RALGDS: variants seen among roughly 807,000 people sequenced by gnomAD.
RALGDS encodes the protein ral guanine nucleotide dissociation stimulator.
In RALGDS, 44 loss-of-function variants were observed where a neutral mutation model predicts 99.8. The observed-to-expected ratio is 0.44, with a 90% CI of 0.35 to 0.57. The LOEUF (loss-of-function observed/expected upper bound fraction) is 0.57, where lower values mean the gene tolerates loss of function less well. Ranked by LOEUF, RALGDS falls within the 20% of genes least tolerant of loss-of-function variation. The pLI is 0.01. For missense variants in RALGDS, 1,022 were observed against 1,203.1 expected (o/e 0.85, Z 2.23); for synonymous variants, 529 against 505.0 (o/e 1.05, Z -0.64).
chr9:133,105,078 G>A (rs1414277273), intron 9 of RALGDS, among the ~76,000 whole-genome samples: 1 of 152,194 alleles, frequency 6.6e-6, no homozygotes, highest in Non-Finnish European at 1.5e-5. Context: ...TCACTGATCA[G>A]GGTACCGTCC....
chr9:133,119,573 G>C (rs7019098), intron 1 of RALGDS, among the ~76,000 whole-genome samples: 4 of 151,912 alleles, frequency 2.6e-5, no homozygotes, highest in African/African-American at 9.7e-5. Context: ...GAACCTGCAC[G>C]GCCACTGTGA....
chr9:133,100,082 C>G, intron 17 of RALGDS, 186 bp downstream of exon 17: 1 of 689,222 alleles, frequency 1.5e-6, no homozygotes, highest in Non-Finnish European at 2.6e-6. Flanking sequence ...GAAGGGCACA[C>G]ACTGGGGAGG....
intron 17 of RALGDS, 76 bp downstream of exon 17, chr9:133,100,192 A>G (rs886488166): frequency 1.5e-6 from 2 of 1,374,488 alleles, no homozygotes; most frequent in Admixed American, 1.7e-5. Flanking sequence ...TTCTGGGGCC[A>G]AAGGCTTCCA....
intron 17 of RALGDS, 108 bp downstream of exon 17, chr9:133,100,160 A>T (rs1026815339): frequency 1.1e-5 from 11 of 1,011,080 alleles, no homozygotes; most frequent in Non-Finnish European, 1.6e-5. Context: ...CACAGTGTCT[A>T]CCCACACTCT....
At chr9:133,106,439 C>G (rs142186083) in intron 8 of RALGDS, among the ~76,000 whole-genome samples, 1 of 152,120 alleles carries the variant, frequency 6.6e-6, no homozygotes, top group Non-Finnish European at 1.5e-5. Context: ...GGCTACAACA[C>G]GAATACCTGA....
rs1831158049 is a variant in RALGDS, at chr9:133,108,064, C to G, written c.1121G>C (p.Gly374Ala). 6.2e-7 allele frequency: 1 copy of G among 1,613,534 alleles called. No individual in the cohort carries two copies. The highest frequency in any genetic ancestry group is 1.1e-5 in the South Asian group (1 of 91,088). ...SWPSPVVAEN[G>A]LSEEKPHLLV... ...GAGGTGAGGCTTCTCCTCACTCAGC[C>G]CGTTCTCTGCAACCACAGGTGAAGG... The change falls in exon 6 of 18, where the codon GGG becomes GCG. Residue 374 changes from glycine to alanine, a missense_variant. By Grantham distance (60) the Gly-to-Ala change is moderately conservative. This residue lies in a region of RALGDS where 825 missense variants were observed against 994.5 expected (regional missense o/e 0.83). Coordinates refer to ENST00000372050, the MANE Select transcript of RALGDS (RefSeq NM_006266.4).
At chr9:133,113,409 G>A (rs967813638) in intron 1 of RALGDS, among the ~76,000 whole-genome samples, 5 of 152,276 alleles carry the variant, frequency 3.3e-5, no homozygotes, top group African/African-American at 4.8e-5. Flanking sequence ...CACTTCCTCC[G>A]ACCTGAGGTC....
In RALGDS at chr9:133,107,161, G is replaced by A; in HGVS notation, c.1337C>T (p.Thr446Ile). 2.5e-6 allele frequency: 4 copies of A among 1,613,780 alleles called. No homozygotes were observed. Among genetic ancestry groups the A allele is most frequent in the Non-Finnish European group, 3.4e-6 (4 of 1,180,044 alleles). Residue 446 changes from threonine (T) to isoleucine (I), a missense_variant, in exon 7 of 18, where the codon ACC (threonine) becomes ATC (isoleucine). Physicochemically the swap from Thr to Ile is moderately conservative, Grantham distance 89 (BLOSUM62 -1). Around this residue, in one of 3 missense-constraint regions of RALGDS, gnomAD observed 825 missense variants for 994.5 expected, o/e 0.83. Coordinates refer to ENST00000372050, the MANE Select transcript of RALGDS (RefSeq NM_006266.4). Reference sequence around the variant, plus strand: ...CGTGCTTCGGTTCCCGAGGCAGGTGGTGATGACACAGTTGGCCACACTGTT... The same window carrying A: ...CGTGCTTCGGTTCCCGAGGCAGGTGATGATGACACAGTTGGCCACACTGTT... ...QFNSVANCVI[T>I]TCLGNRSTKA...
chr9:133,100,600 G>A lies in RALGDS; in HGVS notation c.2455-218C>T. On this transcript the variant is annotated intron_variant, in intron 16 of 17. Coordinates refer to ENST00000372050, the MANE Select transcript of RALGDS (RefSeq NM_006266.4). Reference sequence around the variant, plus strand: ...TCCCCATGTGAGGCCTCCATGGAATGAGGAGGGGTCTGTCCCAGCAGTGCC... The same window carrying A: ...TCCCCATGTGAGGCCTCCATGGAATAAGGAGGGGTCTGTCCCAGCAGTGCC... 7.7e-6 allele frequency: 11 copies of A among 1,431,226 alleles called. No individual in the cohort carries two copies. In the South Asian group the frequency reaches 1.4e-4, roughly 19 times the overall value. 88.7% of individuals were successfully genotyped at this position (1,431,226 alleles called of 1,614,324 possible). A position where few individuals can be genotyped will look rare whatever the true frequency, so the allele number is the denominator to read the frequency against.
Position 133,115,587 on chromosome 9 carries a change from C to T in RALGDS, c.184-3435G>A, listed in dbSNP as rs536285423. Among the ~76,000 whole-genome samples, 335 of 152,324 alleles carry T rather than the reference C, an allele frequency of 2.2e-3. 1 individual carries two copies. The highest frequency in any genetic ancestry group is 7.3e-3 in the African/African-American group (304 of 41,560). On this transcript the variant is annotated intron_variant, in intron 1 of 17. Coordinates refer to ENST00000372050, the MANE Select transcript of RALGDS (RefSeq NM_006266.4). Reference sequence around the variant, plus strand: ...CTGGCTCTGCCCAGCCCCTGGCCCTCGGCCTTGGTGTGTCATCTGGGGAGG... The same window carrying T: ...CTGGCTCTGCCCAGCCCCTGGCCCTTGGCCTTGGTGTGTCATCTGGGGAGG...
In RALGDS at chr9:133,144,065, G is replaced by A. The variant is rs1248700747; in HGVS notation, c.18+4898C>T. On this transcript the variant is annotated intron_variant, in intron 1 of 17. Transcript: ENST00000393160. The surrounding 1 kb of genome is among the most constrained non-coding windows in gnomAD (Gnocchi z 4.5). ...CCCTGAGGCAGGGTCTGGGGCTGGG[G>A]TTGGGGGGAAGGACCCCTCAAGTCT... is the stretch of plus-strand genomic sequence containing the variant. Among the ~76,000 whole-genome samples the A allele has an allele frequency of 6.6e-6, 1 of 152,114 alleles. No homozygotes were observed. Among genetic ancestry groups the A allele is most frequent in the Non-Finnish European group, 1.5e-5 (1 of 68,014 alleles).
At chr9:133,101,799 C>T in intron 15 of RALGDS, 37 bp from the exon 16 acceptor site, 6 of 1,571,344 alleles carry the variant, frequency 3.8e-6, no homozygotes, top group Non-Finnish European at 5.2e-6. Context: ...TCCCACTGCC[C>T]TGTGGGGGCA....
upstream of RALGDS, among the ~76,000 whole-genome samples, chr9:133,123,230 G>A (rs1832010633): frequency 6.6e-6 from 1 of 152,114 alleles, no homozygotes; most frequent in Admixed American, 6.5e-5. Flanking sequence ...AGCTCCCAAT[G>A]CCTCCGGAAA....
chr9:133,144,969 C>G lies in RALGDS; in HGVS notation c.18+3994G>C, dbSNP rs1196290238. On this transcript the variant is annotated intron_variant, in intron 1 of 17. Transcript: ENST00000393160. The surrounding 1 kb of genome is among the most constrained non-coding windows in gnomAD (Gnocchi z 4.5). ...GGACAGACACGCACAGGCGGACAGA[C>G]ACGAACTGATGAAGGCACAGTTTGC... Among the ~76,000 whole-genome samples, 1 of 152,204 alleles carries G rather than the reference C, an allele frequency of 6.6e-6. No individual in the cohort carries two copies. Among genetic ancestry groups the G allele is most frequent in the East Asian group, 1.9e-4 (1 of 5,198 alleles).
Position 133,116,685 on chromosome 9 carries a change from G to C in RALGDS, c.183+4287C>G, listed in dbSNP as rs566752143. On this transcript the variant is annotated intron_variant, in intron 1 of 17. Coordinates refer to ENST00000372050, the MANE Select transcript of RALGDS (RefSeq NM_006266.4). ...CAGCTACAGTGCCCAGCACATGCGG[G>C]CACTTCCTGGGTGCAAGGCCCTTTG... Among the ~76,000 whole-genome samples the C allele has an allele frequency of 2.4e-3, 368 of 152,374 alleles. 2 individuals carry two copies. Among genetic ancestry groups the C allele is most frequent in the African/African-American group, 8.6e-3 (359 of 41,590 alleles).
rs1831106180 is a variant in RALGDS at position 133,107,158 on chromosome 9, G to A, written c.1340C>T (p.Thr447Ile). The A allele has an allele frequency of 1.2e-6, 2 of 1,613,652 alleles. No homozygotes were observed. Among genetic ancestry groups the A allele is most frequent in the Admixed American group, 3.3e-5 (2 of 60,016 alleles). ...FNSVANCVIT[T>I]CLGNRSTKAP... ...TTTCGTGCTTCGGTTCCCGAGGCAGGTGGTGATGACACAGTTGGCCACACT... is the reference window on the plus strand; with the variant it reads ...TTTCGTGCTTCGGTTCCCGAGGCAGATGGTGATGACACAGTTGGCCACACT... Residue 447 changes from threonine (T) to isoleucine (I), a missense_variant, in exon 7 of 18, where the codon ACC becomes ATC. This residue lies in a region of RALGDS where 825 missense variants were observed against 994.5 expected (regional missense o/e 0.83). Transcript: ENST00000372050.
intron 1 of RALGDS, chr9:133,130,846 G>T: frequency 9.0e-7 from 1 of 1,105,680 alleles, no homozygotes. Context: ...GCTTGCAGAC[G>T]CTCCTTCCAT....
chr9:133,126,385 T>A (rs1157923032), intron 1 of RALGDS, among the ~76,000 whole-genome samples: 1 of 152,180 alleles, frequency 6.6e-6, no homozygotes, highest in Non-Finnish European at 1.5e-5. Flanking sequence ...CACCCACACA[T>A]GTGTTTTGTT....
intron 4 of RALGDS, among the ~76,000 whole-genome samples, chr9:133,109,358 C>A (rs1831227065): frequency 6.6e-6 from 1 of 152,234 alleles, no homozygotes; most frequent in Non-Finnish European, 1.5e-5. Flanking sequence ...GCCCACTGAG[C>A]CAAGGCCAGC....
Sources: gnomAD v4.1 joint callset for allele counts (sites outside exome capture counted in the v4.1 genomes callset) on GRCh38, gnomAD v4.1.1 for gene constraint, gnomAD v4.1.1 regional missense constraint, Gnocchi (gnomAD v3.1) non-coding constraint, MANE v1.5 for transcripts, NCBI Gene and HGNC (gene_info 2026-07-23, HGNC 2026-07-21) for gene names.